PC: variants seen among roughly 807,000 people sequenced by gnomAD.
PC encodes pyruvate carboxylase, mitochondrial.
Under a neutral mutation model 107.8 loss-of-function variants are expected in PC, and 46 were observed. The observed-to-expected ratio is 0.43, with a 90% CI of 0.34 to 0.55. The LOEUF is 0.55. Ranked by LOEUF, PC falls within the 20% of genes least tolerant of loss-of-function variation. The pLI is 0.04. For missense variants in PC, 1,241 were observed against 1,643.1 expected (o/e 0.76, Z 4.23); for synonymous variants, 662 against 684.7 (o/e 0.97, Z 0.52).
chr11:66,858,374 G>A lies in PC; in HGVS notation c.1369-4991C>T, dbSNP rs1243763633. On this transcript the variant is annotated intron_variant, in intron 12 of 22. Coordinates refer to ENST00000393960, the MANE Select transcript of PC (RefSeq NM_001040716.2). This position sits in a 1 kb window ranked among gnomAD's most constrained non-coding sequence, Gnocchi z 5.9. ...CCAACCGCCTGGCCACGCTGGCTCC[G>A]GACCCGCTTTTCTCTCGTGGGCGTG... The A allele has an allele frequency of 2.5e-6, 4 of 1,582,312 alleles. No individual in the cohort carries two copies. Among genetic ancestry groups the A allele is most frequent in the Non-Finnish European group, 3.4e-6 (4 of 1,168,828 alleles).
Position 66,858,770 on chromosome 11 carries a change from C to T in PC, c.1368+5004G>A, listed in dbSNP as rs201413613. The T allele has an allele frequency of 1.2e-4, 187 of 1,549,640 alleles. No homozygotes were observed. Among genetic ancestry groups the T allele is most frequent in the African/African-American group, 5.5e-5 (4 of 73,268 alleles). On this transcript the variant is annotated intron_variant, in intron 12 of 22. Transcript: ENST00000393960. The surrounding 1 kb of genome is among the most constrained non-coding windows in gnomAD (Gnocchi z 5.9). ...GGACCTTAGAGATTGGGGTGACCGG[C>T]GCTGGGGACGCTGGGGGCTACACCT...
chr11:66,946,977 A>G (rs1949312905), intron 3 of PC, among the ~76,000 whole-genome samples: 1 of 152,194 alleles, frequency 6.6e-6, no homozygotes, highest in African/African-American at 2.4e-5. Context: ...CTAAAATTTA[A>G]AAGACTAACC....
intron 3 of PC, among the ~76,000 whole-genome samples, chr11:66,917,789 C>G (rs1434178218): frequency 6.6e-6 from 1 of 152,162 alleles, no homozygotes; most frequent in Non-Finnish European, 1.5e-5. Flanking sequence ...CTGGCCTGAA[C>G]TTGGGTTACC....
rs1591123943 is a variant in PC, at chr11:66,852,410, A to C, written c.1825+29T>G. ...GGCCACAGAGCGGGCGCCCATTCCT[A>C]CCAGGCGCTGCGCAGCATGCCAGCC... On this transcript the variant is annotated intron_variant, in intron 15 of 22. Coordinates refer to ENST00000393960, the MANE Select transcript of PC (RefSeq NM_001040716.2). This position sits in a 1 kb window ranked among gnomAD's most constrained non-coding sequence, Gnocchi z 4.7. 2 of 1,585,942 alleles carry C rather than the reference A, an allele frequency of 1.3e-6. No homozygotes were observed. Among genetic ancestry groups the C allele is most frequent in the Non-Finnish European group, 1.7e-6 (2 of 1,154,806 alleles).
At chr11:66,889,254 G>C (rs968729270) in intron 3 of PC, among the ~76,000 whole-genome samples, 1 of 152,036 alleles carries the variant, frequency 6.6e-6, no homozygotes, top group Non-Finnish European at 1.5e-5. Flanking sequence ...GAGCAATGCC[G>C]TGGGGAACAG....
In PC at chr11:66,848,569, G is replaced by A. The variant is rs1367783069; in HGVS notation, c.*330C>T. The A allele has an allele frequency of 1.7e-6, 1 of 597,200 alleles. No homozygotes were observed. Among genetic ancestry groups the A allele is most frequent in the African/African-American group, 1.9e-5 (1 of 53,784 alleles). The allele number at this position is 597,200 out of a possible 1,614,324, so 37.0% of individuals were successfully genotyped here. A position where few individuals can be genotyped will look rare whatever the true frequency, so the allele number is the denominator to read the frequency against. On this transcript the variant is annotated 3_prime_UTR_variant, in exon 23 of 23. Transcript: ENST00000393960. ...TATTGAGTAAACTTCCCAGGACCTG[G>A]GACATCTTAGATCTCCCCTTCCCCC...
chr11:66,945,963 G>A (rs1291059214), intron 3 of PC, among the ~76,000 whole-genome samples: 1 of 151,182 alleles, frequency 6.6e-6, no homozygotes, highest in Non-Finnish European at 1.5e-5. Flanking sequence ...GCGGGCGCCT[G>A]TAGTCCCAGC....
chr11:66,849,015 T>C lies in PC; in HGVS notation c.3421A>G (p.Ser1141Gly). The change falls in exon 23 of 23, where the codon AGT becomes GGT. Residue 1141 changes from serine to glycine, a missense_variant. Around this residue, in one of 2 missense-constraint regions of PC, gnomAD observed 98 missense variants for 91.2 expected, o/e 1.07. Coordinates refer to ENST00000393960, the MANE Select transcript of PC (RefSeq NM_001040716.2). ...VAKGQPLCVLSAMKMETVVTS... is the reference protein window; with the variant it reads ...VAKGQPLCVLGAMKMETVVTS... ...ACCACAGTCTCCATCTTCATGGCAC[T>C]GAGCACACACAGGGGCTGGCCCTTG... 1.2e-6 allele frequency: 2 copies of C among 1,614,096 alleles called. No individual in the cohort carries two copies. The highest frequency in any genetic ancestry group is 1.7e-6 in the Non-Finnish European group (2 of 1,180,034).
At chr11:66,867,798 C>T (rs1221813211) in intron 10 of PC, among the ~76,000 whole-genome samples, 2 of 152,236 alleles carry the variant, frequency 1.3e-5, no homozygotes, top group Non-Finnish European at 2.9e-5. Context: ...GAGTCTCACT[C>T]GGCCAAAGTG....
chr11:66,944,394 C>T (rs1202770350), intron 3 of PC, among the ~76,000 whole-genome samples: 1 of 115,554 alleles, frequency 8.7e-6, no homozygotes, highest in Non-Finnish European at 1.9e-5. Context: ...GCCTGCCCAA[C>T]ATGGTGAAAC....
At chr11:66,916,588 C>T (rs542542463) in intron 3 of PC, among the ~76,000 whole-genome samples, 53 of 152,282 alleles carry the variant, frequency 3.5e-4, no homozygotes, top group African/African-American at 1.3e-3. Context: ...TCCAAGAAGG[C>T]ACTGGGTAAA....
chr11:66,924,208 A>G (rs1247040250), intron 3 of PC, among the ~76,000 whole-genome samples: 1 of 150,684 alleles, frequency 6.6e-6, no homozygotes, highest in African/African-American at 2.4e-5. Context: ...TCTCAGAAAA[A>G]AAAAAAAAAA....
chr11:66,880,772 C>T (rs910772707), intron 3 of PC, among the ~76,000 whole-genome samples: 9 of 152,254 alleles, frequency 5.9e-5, no homozygotes, highest in African/African-American at 2.2e-4. Context: ...GCTCCCTCTG[C>T]GGTCCCATGC....
At chr11:66,856,891 GACAGCGCGGAGGGCCCGCGCCGGCC>G (rs1370402341) in intron 12 of PC, 1 of 148,086 alleles carries the variant, frequency 6.8e-6, no homozygotes, top group Non-Finnish European at 1.5e-5. Flanking sequence ...AGCGCCGGGG[GACAGCGCGGAGGGCCCGCGCCGGCC>G]CGGGCCTCGG....
intron 12 of PC, among the ~76,000 whole-genome samples, chr11:66,862,560 C>A (rs1263362289): frequency 1.3e-5 from 2 of 152,324 alleles, no homozygotes; most frequent in East Asian, 1.9e-4. Context: ...CCTGTGGGGA[C>A]CCCCAAGAAG....
intron 3 of PC, among the ~76,000 whole-genome samples, chr11:66,942,214 C>T (rs1220997297): frequency 2.7e-5 from 4 of 150,526 alleles, no homozygotes; most frequent in South Asian, 2.1e-4. Context: ...CTGGCTAACA[C>T]GGTGAAACCC....
Position 66,905,160 on chromosome 11 carries a change from C to T in PC, c.1-33001G>A, listed in dbSNP as rs145023953. Among the ~76,000 whole-genome samples the T allele has an allele frequency of 5.9e-5, 9 of 152,344 alleles. No individual in the cohort carries two copies. The East Asian group carries it at 7.7e-4, about 13-fold the overall frequency. On this transcript the variant is annotated intron_variant, in intron 3 of 22. Transcript: ENST00000393960. ...CTTTAAGAAAATCACTATCTGCTGA[C>T]GAGGCAAGACTGGCACAGCCAACAT...
At chr11:66,905,184 A>G (rs938804884) in intron 3 of PC, among the ~76,000 whole-genome samples, 2 of 152,266 alleles carry the variant, frequency 1.3e-5, no homozygotes, top group Non-Finnish European at 2.9e-5. Flanking sequence ...CACAGCCAAC[A>G]TATAACAAAC....
Position 66,944,313 on chromosome 11 carries a change from T to G in PC, c.-1+8117A>C, listed in dbSNP as rs1239080294. Among the ~76,000 whole-genome samples, 2 of 112,888 alleles carry G rather than the reference T, an allele frequency of 1.8e-5. 1 individual carries two copies. The highest frequency in any genetic ancestry group is 6.5e-5 in the African/African-American group (2 of 30,904). The allele number at this position is 112,888 out of a possible 152,430, so 74.1% of individuals were successfully genotyped here. A position where few individuals can be genotyped will look rare whatever the true frequency, so the allele number is the denominator to read the frequency against. ...ACAACTTCAGGCCGGCCGCAATGGC[T>G]CACACCTGTAATCCCAGCACTTTGG... On this transcript the variant is annotated intron_variant, in intron 3 of 22. Transcript: ENST00000393960.
Sources: gnomAD v4.1 joint callset for allele counts (sites outside exome capture counted in the v4.1 genomes callset) on GRCh38, gnomAD v4.1.1 for gene constraint, gnomAD v4.1.1 regional missense constraint, Gnocchi (gnomAD v3.1) non-coding constraint, MANE v1.5 for transcripts, NCBI Gene and HGNC (gene_info 2026-07-23, HGNC 2026-07-21) for gene names.